Variants in RLN2 observed in about 807,000 individuals in gnomAD.
RLN2 encodes the protein relaxin 2, also known as prorelaxin H2.
In RLN2, 10 loss-of-function variants were observed where a neutral mutation model predicts 7.3. The ratio of observed to expected loss-of-function variants is 1.36; its 90% CI spans 0.84 to 2.31. The LOEUF is 2.31. Ranked by LOEUF, RLN2 falls within the 30% of genes most tolerant of loss-of-function variation. The pLI, the probability that RLN2 is intolerant of heterozygous loss-of-function variation, is 0.00. For missense variants in RLN2, 298 were observed against 217.6 expected (o/e 1.37, Z -2.32); for synonymous variants, 103 against 82.3 (o/e 1.25, Z -1.36).
upstream of RLN2, among the ~76,000 whole-genome samples, chr9:5,308,486 G>GT (rs1175984825): frequency 1.3e-5 from 2 of 151,906 alleles, no homozygotes; most frequent in African/African-American, 4.8e-5. Context: ...GGGGTTTGTG[G>GT]TTTTACTGTT....
the RLN2 span, among the ~76,000 whole-genome samples, chr9:5,317,614 T>C: frequency 6.6e-6 from 1 of 151,642 alleles, no homozygotes; most frequent in Non-Finnish European, 1.5e-5. Context: ...AAAGATGGTA[T>C]TAAATTGAAA....
the RLN2 span, chr9:5,335,344 A>G: frequency 1.8e-4 from 297 of 1,612,924 alleles, 2 homozygotes; most frequent in South Asian, 5.1e-4. Context: ...TTTGAGAATG[A>G]GTATCCAAGC....
chr9:5,337,004 C>G, the RLN2 span, among the ~76,000 whole-genome samples: 1 of 151,914 alleles, frequency 6.6e-6, no homozygotes, highest in Non-Finnish European at 1.5e-5. Flanking sequence ...CAAAACAAAA[C>G]AAAACAAAAC....
In RLN2 at chr9:5,300,350, CA is replaced by C; in HGVS notation, c.305del (p.Leu102ArgfsTer18). On this transcript the variant is annotated frameshift_variant, in exon 2 of 2. Coordinates refer to ENST00000381627, the MANE Select transcript of RLN2 (RefSeq NM_134441.3). LOFTEE classifies it low-confidence loss of function (END_TRUNC). ...ANLPQELKLT[L>X]SEMQPALPQL... ...GTGGTAATGCTGGCTGCATCTCAGACAGGGTTAACTTCAGCTCCTGTGGCAA... is the reference window on the plus strand; with the variant it reads ...GTGGTAATGCTGGCTGCATCTCAGACGGGTTAACTTCAGCTCCTGTGGCAA... 1.9e-6 allele frequency: 3 copies of C among 1,613,946 alleles called. No individual in the cohort carries two copies. The highest frequency in any genetic ancestry group is 2.5e-6 in the Non-Finnish European group (3 of 1,179,912).
At chr9:5,324,666 A>G in the RLN2 span, among the ~76,000 whole-genome samples, 1,416 of 152,186 alleles carry the variant, frequency 9.3e-3, 19 homozygotes, top group Non-Finnish European at 0.013. Context: ...TTCTAAGAAA[A>G]GCACTGAGTA....
the RLN2 span, chr9:5,311,598 T>C: frequency 1.6e-5 from 16 of 1,014,124 alleles, no homozygotes; most frequent in South Asian, 1.9e-4. Flanking sequence ...GGAGAGAAGA[T>C]ACCCATAGGG....
chr9:5,334,331 A>G, the RLN2 span, among the ~76,000 whole-genome samples: 1 of 152,094 alleles, frequency 6.6e-6, no homozygotes. Flanking sequence ...TCAGAATACA[A>G]AATCAAATTT....
the RLN2 span, chr9:5,311,461 C>T: frequency 1.6e-6 from 1 of 625,916 alleles, no homozygotes; most frequent in Middle Eastern, 4.2e-4. Flanking sequence ...AAGAGAAAGG[C>T]TGAAGGGGAT....
the RLN2 span, among the ~76,000 whole-genome samples, chr9:5,329,608 T>C: frequency 6.8e-6 from 1 of 147,160 alleles, no homozygotes; most frequent in African/African-American, 2.5e-5. Flanking sequence ...GGAGTTGCAA[T>C]CCTAGTCTCT....
chr9:5,334,327 T>C, the RLN2 span, among the ~76,000 whole-genome samples: 1 of 152,064 alleles, frequency 6.6e-6, no homozygotes, highest in East Asian at 1.9e-4. Context: ...AATCTCAGAA[T>C]ACAAAATCAA....
chr9:5,326,057 C>T, the RLN2 span, among the ~76,000 whole-genome samples: 4 of 151,958 alleles, frequency 2.6e-5, no homozygotes, highest in Non-Finnish European at 4.4e-5. Context: ...GTAATTATGG[C>T]ATGTATTAAA....
chr9:5,335,335 T>C, the RLN2 span: 2 of 1,612,966 alleles, frequency 1.2e-6, no homozygotes, highest in Non-Finnish European at 1.7e-6. Context: ...GTCTCTTTTT[T>C]TGAGAATGAG....
chr9:5,306,143 T>C (rs529139545), upstream of RLN2, among the ~76,000 whole-genome samples: 1 of 150,220 alleles, frequency 6.7e-6, no homozygotes, highest in South Asian at 2.1e-4. Flanking sequence ...AATTTGGCTC[T>C]TGTCGCCAGG....
chr9:5,337,767 A>G, the RLN2 span, among the ~76,000 whole-genome samples: 4 of 152,070 alleles, frequency 2.6e-5, no homozygotes, highest in Admixed American at 6.6e-5. Context: ...GCATAGCAAT[A>G]AAGAAAATTC....
At chr9:5,300,817 G>C (rs1239494511) in intron 1 of RLN2, among the ~76,000 whole-genome samples, 1 of 152,138 alleles carries the variant, frequency 6.6e-6, no homozygotes, top group African/African-American at 2.4e-5. Context: ...ATTCTTCTTA[G>C]TTAAGTCATT....
the RLN2 span, among the ~76,000 whole-genome samples, chr9:5,337,931 AC>A: frequency 6.6e-6 from 1 of 152,064 alleles, no homozygotes; most frequent in Non-Finnish European, 1.5e-5. Context: ...CAGATTTATG[AC>A]AAAAATACTA....
At chr9:5,332,929 C>G in the RLN2 span, among the ~76,000 whole-genome samples, 24 of 151,922 alleles carry the variant, frequency 1.6e-4, no homozygotes, top group Admixed American at 3.9e-4. Flanking sequence ...GATTCTCATT[C>G]TTAATGTTGT....
the RLN2 span, among the ~76,000 whole-genome samples, chr9:5,330,562 G>A: frequency 2.0e-5 from 3 of 150,276 alleles, no homozygotes; most frequent in East Asian, 2.0e-4. Context: ...GGCATGAACT[G>A]GGGAGGCAGA....
the RLN2 span, chr9:5,311,518 C>G: frequency 2.8e-6 from 2 of 719,430 alleles, no homozygotes; most frequent in South Asian, 2.8e-5. Context: ...CAGAGAAGAT[C>G]ATGAGGTTGT....
Sources: gnomAD v4.1 joint callset for allele counts (sites outside exome capture counted in the v4.1 genomes callset) on GRCh38, gnomAD v4.1.1 for gene constraint, MANE v1.5 for transcripts, NCBI Gene and HGNC (gene_info 2026-07-23, HGNC 2026-07-21) for gene names.